The following FOSL2 variants were observed in gnomAD, a reference collection of about 807,000 sequenced individuals.
FOSL2 encodes the protein fos-related antigen 2.
A neutral mutation model predicts 27.7 loss-of-function variants in FOSL2; 3 were observed. The ratio of observed to expected loss-of-function variants is 0.11; its 90% CI spans 0.05 to 0.28. The LOEUF is 0.28. FOSL2 is among the 10% of genes least tolerant of loss of function. FOSL2 has a pLI of 1.00. For missense variants in FOSL2, 333 were observed against 445.1 expected, an observed-to-expected ratio of 0.75 and a Z score of 2.27; for synonymous variants, 179 against 190.1, an observed-to-expected ratio of 0.94 and a Z score of 0.48.
chr2:28,416,142 G>A lies in FOSL2; in HGVS notation c.*3694G>A, dbSNP rs1424759190. On this transcript the variant is annotated 3_prime_UTR_variant, in exon 4 of 4. Transcript: ENST00000264716. ...GGTTGGGCTGTGTGTGTGCGCATGT[G>A]TGTATACATTTCCAGGCGTGCCTGT... 6.6e-6 allele frequency: 1 copy of A among 152,084 alleles called. No homozygotes were observed. The highest frequency in any genetic ancestry group is 1.5e-5 in the Non-Finnish European group (1 of 68,024). 9.4% of individuals were successfully genotyped at this position (152,084 alleles called of 1,614,324 possible).
chr2:28,412,576 C>A lies in FOSL2; in HGVS notation c.*128C>A. On this transcript the variant is annotated 3_prime_UTR_variant, in exon 4 of 4. Coordinates refer to ENST00000264716, the MANE Select transcript of FOSL2 (RefSeq NM_005253.4). This position sits in a 1 kb window ranked among gnomAD's most constrained non-coding sequence, Gnocchi z 7.1. Reference sequence around the variant, plus strand: ...GACCTGCCACCAGGGAGCTTCCTGGCTCTGGGGGACCCAGGTGGGACTTAG... The same window carrying A: ...GACCTGCCACCAGGGAGCTTCCTGGATCTGGGGGACCCAGGTGGGACTTAG... 9.1e-7 allele frequency: 1 copy of A among 1,102,036 alleles called. No individual in the cohort carries two copies. The highest frequency in any genetic ancestry group is 1.3e-6 in the Non-Finnish European group (1 of 782,560). The allele number at this position is 1,102,036 out of a possible 1,614,324, so 68.3% of individuals were successfully genotyped here. A position where few individuals can be genotyped will look rare whatever the true frequency, so the allele number is the denominator to read the frequency against.
At chr2:28,394,923 C>T (rs1478414932) in intron 1 of FOSL2, among the ~76,000 whole-genome samples, 1 of 152,140 alleles carries the variant, frequency 6.6e-6, no homozygotes, top group African/African-American at 2.4e-5. Flanking sequence ...CTAGAAGGGG[C>T]TAGGGTGGGC....
At chr2:28,411,598 G>A (rs1425342775) in intron 3 of FOSL2, among the ~76,000 whole-genome samples, 2 of 152,254 alleles carry the variant, frequency 1.3e-5, no homozygotes, top group East Asian at 3.9e-4. Flanking sequence ...TGCAAAATGG[G>A]GCGATGATAA....
chr2:28,396,509 C>T (rs1457107123), intron 1 of FOSL2, among the ~76,000 whole-genome samples: 1 of 152,012 alleles, frequency 6.6e-6, no homozygotes, highest in African/African-American at 2.4e-5. Flanking sequence ...AAAACATCTC[C>T]CAGATATATG....
rs1158138706 is a variant in FOSL2, at chr2:28,415,990, T to G, written c.*3542T>G. ...GGGGTAACCCAAGTCCTTAGAGAAT[T>G]TGGGGACCAATAGAATATGTGATGT... is the stretch of plus-strand genomic sequence containing the variant. On this transcript the variant is annotated 3_prime_UTR_variant, in exon 4 of 4. Transcript: ENST00000264716. The G allele has an allele frequency of 6.6e-6, 1 of 152,188 alleles. No individual in the cohort carries two copies. Among genetic ancestry groups the G allele is most frequent in the African/African-American group, 2.4e-5 (1 of 41,444 alleles). The allele number at this position is 152,188 out of a possible 1,614,324, so 9.4% of individuals were successfully genotyped here. A position where few individuals can be genotyped will look rare whatever the true frequency, so the allele number is the denominator to read the frequency against.
intron 3 of FOSL2, among the ~76,000 whole-genome samples, chr2:28,411,025 G>A (rs1013253131): frequency 2.6e-5 from 4 of 152,030 alleles, no homozygotes; most frequent in African/African-American, 9.7e-5. Flanking sequence ...GCAGGTGCCT[G>A]TAGTCTCAGC....
Position 28,413,445 on chromosome 2 carries a change from C to G in FOSL2, c.*997C>G, listed in dbSNP as rs1664247780. The G allele has an allele frequency of 5.0e-6, 2 of 398,646 alleles. No individual in the cohort carries two copies. Among genetic ancestry groups the G allele is most frequent in the South Asian group, 2.6e-4 (2 of 7,824 alleles). 24.7% of individuals were successfully genotyped at this position (398,646 alleles called of 1,614,324 possible). On this transcript the variant is annotated 3_prime_UTR_variant, in exon 4 of 4. Coordinates refer to ENST00000264716, the MANE Select transcript of FOSL2 (RefSeq NM_005253.4). ...AGTCCCTGCCGGGCTCCGCCTTTCC[C>G]CCACCCTGGCTCTCAGGGTGACGCC... is the stretch of plus-strand genomic sequence containing the variant.
chr2:28,394,270 C>G (rs1216931552), intron 1 of FOSL2, among the ~76,000 whole-genome samples: 1 of 152,060 alleles, frequency 6.6e-6, no homozygotes, highest in Non-Finnish European at 1.5e-5. Flanking sequence ...CTCTCCTCCC[C>G]GTTCTCCATC....
rs1664131921 is a variant in FOSL2, at chr2:28,408,694, G to A, written c.355-65G>A. 4 of 1,247,748 alleles carry A rather than the reference G, an allele frequency of 3.2e-6. No individual in the cohort carries two copies. In the South Asian group the frequency reaches 6.0e-5, roughly 19 times the overall value. 77.3% of individuals were successfully genotyped at this position (1,247,748 alleles called of 1,614,324 possible). ...GGCTTCTTGCCTTACTTAAAATACAGTTTTTAAAAAATACTGTGAACCATT... is the reference window on the plus strand; with the variant it reads ...GGCTTCTTGCCTTACTTAAAATACAATTTTTAAAAAATACTGTGAACCATT... On this transcript the variant is annotated intron_variant, in intron 2 of 3. Coordinates refer to ENST00000264716, the MANE Select transcript of FOSL2 (RefSeq NM_005253.4). This position sits in a 1 kb window ranked among gnomAD's most constrained non-coding sequence, Gnocchi z 4.1.
intron 1 of FOSL2, among the ~76,000 whole-genome samples, chr2:28,400,030 C>T (rs929192239): frequency 2.0e-5 from 3 of 152,150 alleles, no homozygotes; most frequent in Non-Finnish European, 2.9e-5. Context: ...TTGCCCACCC[C>T]GCAGTTGACA....
In FOSL2 at chr2:28,408,740, C is replaced by G; in HGVS notation, c.355-19C>G. On this transcript the variant is annotated intron_variant, in intron 2 of 3. Coordinates refer to ENST00000264716, the MANE Select transcript of FOSL2 (RefSeq NM_005253.4). The surrounding 1 kb of genome is among the most constrained non-coding windows in gnomAD (Gnocchi z 4.1). Reference sequence around the variant, plus strand: ...CCATTGTCTCTGTTCTAACCATGATCCTTGGCTTTGGCCTCTAGCTGTCTC... The same window carrying G: ...CCATTGTCTCTGTTCTAACCATGATGCTTGGCTTTGGCCTCTAGCTGTCTC... 6.4e-7 allele frequency: 1 copy of G among 1,569,304 alleles called. No individual in the cohort carries two copies. The highest frequency in any genetic ancestry group is 2.3e-5 in the East Asian group (1 of 43,892).
Position 28,404,250 on chromosome 2 carries a change from C to T in FOSL2, c.246C>T (p.Tyr82=), listed in dbSNP as rs1664033096. The T allele has an allele frequency of 1.9e-6, 3 of 1,614,112 alleles. No individual in the cohort carries two copies. Among genetic ancestry groups the T allele is most frequent in the Admixed American group, 3.3e-5 (2 of 60,008 alleles). ...MSNPYPRSHP[Y]SPLPGLASVP... is the part of the protein sequence containing the mutation. Reference sequence around the variant, plus strand: ...ACCCATACCCTCGCTCGCACCCCTACAGCCCCCTGCCGGGCCTGGCCTCTG... The same window carrying T: ...ACCCATACCCTCGCTCGCACCCCTATAGCCCCCTGCCGGGCCTGGCCTCTG... The change falls in exon 2 of 4, where the codon TAC becomes TAT. Residue 82 remains tyrosine (Y), a synonymous_variant. Transcript: ENST00000264716. The surrounding 1 kb of genome is among the most constrained non-coding windows in gnomAD (Gnocchi z 4.7).
rs955576069 is a variant in FOSL2 at position 28,409,783 on chromosome 2, C to T, written c.462+917C>T. ...GAGATGGAGTTTCGCTCTTGTCGCC[C>T]AGGCTGGAGTGCAGTGGGACGATCT... On this transcript the variant is annotated intron_variant, in intron 3 of 3. Transcript: ENST00000264716. Among the ~76,000 whole-genome samples, 3 of 152,198 alleles carry T rather than the reference C, an allele frequency of 2.0e-5. No individual in the cohort carries two copies. The South Asian group carries it at 6.2e-4, about 31-fold the overall frequency.
chr2:28,393,943 G>GT lies in FOSL2; in HGVS notation c.102+122dup. On this transcript the variant is annotated intron_variant, in intron 1 of 3. Transcript: ENST00000264716. This position sits in a 1 kb window ranked among gnomAD's most constrained non-coding sequence, Gnocchi z 4.6. Reference sequence around the variant, plus strand: ...GAGAAAATACCTACGGGCCACCGTTGTAAGTTCTGGATTTTCGTCCTCCCC... The same window carrying GT: ...GAGAAAATACCTACGGGCCACCGTTGTTAAGTTCTGGATTTTCGTCCTCCCC... 6 of 725,858 alleles carry GT rather than the reference G, an allele frequency of 8.3e-6. No individual in the cohort carries two copies. The highest frequency in any genetic ancestry group is 3.0e-5 in the East Asian group (1 of 33,698). The allele number at this position is 725,858 out of a possible 1,614,324, so 45.0% of individuals were successfully genotyped here.
Position 28,415,449 on chromosome 2 carries a change from C to A in FOSL2, c.*3001C>A, listed in dbSNP as rs1300555020. The A allele has an allele frequency of 6.6e-6, 1 of 152,218 alleles. No homozygotes were observed. The highest frequency in any genetic ancestry group is 2.4e-5 in the African/African-American group (1 of 41,448). The allele number at this position is 152,218 out of a possible 1,614,324, so 9.4% of individuals were successfully genotyped here. A position where few individuals can be genotyped will look rare whatever the true frequency, so the allele number is the denominator to read the frequency against. The stretch of plus-strand genomic sequence containing the variant: ...TGTGTTGGGGGCCAGGTGTGTCACA[C>A]AAGCATCTCAAAGTCAAAAGCCATC... On this transcript the variant is annotated 3_prime_UTR_variant, in exon 4 of 4. Transcript: ENST00000264716.
In FOSL2 at chr2:28,404,262, G is replaced by A. The variant is rs76837928; in HGVS notation, c.258G>A (p.Pro86=). ...YPRSHPYSPL[P]GLASVPGHMA... ...GCTCGCACCCCTACAGCCCCCTGCCGGGCCTGGCCTCTGTCCCTGGACACA... is the reference window on the plus strand; with the variant it reads ...GCTCGCACCCCTACAGCCCCCTGCCAGGCCTGGCCTCTGTCCCTGGACACA... The change falls in exon 2 of 4, where the codon CCG becomes CCA. Residue 86 remains proline, a synonymous_variant. Transcript: ENST00000264716. The surrounding 1 kb of genome is among the most constrained non-coding windows in gnomAD (Gnocchi z 4.7). 1.6e-3 allele frequency: 2,516 copies of A among 1,614,152 alleles called. 36 individuals are homozygous for A. In the African/African-American group the frequency reaches 0.027, roughly 17 times the overall value.
rs1664038425 is a variant in FOSL2 at position 28,404,484 on chromosome 2, T to C, written c.354+126T>C. The C allele has an allele frequency of 2.5e-6, 3 of 1,216,570 alleles. No individual in the cohort carries two copies. The highest frequency in any genetic ancestry group is 3.4e-6 in the Non-Finnish European group (3 of 877,580). 75.4% of individuals were successfully genotyped at this position (1,216,570 alleles called of 1,614,324 possible). ...GCAGGGGAGACAAGGGAGCTAGGGG[T>C]CGAAGAGCACGTCATCCCCCTTACT... On this transcript the variant is annotated intron_variant, in intron 2 of 3. Coordinates refer to ENST00000264716, the MANE Select transcript of FOSL2 (RefSeq NM_005253.4). This position sits in a 1 kb window ranked among gnomAD's most constrained non-coding sequence, Gnocchi z 4.7.
At position 28,412,207 on chromosome 2, in the gene FOSL2, A is replaced by G; in HGVS notation, c.740A>G (p.Lys247Arg). Residue 247 changes from lysine (K) to arginine (R), a missense_variant, in exon 4 of 4, where the codon AAG becomes AGG. Lys to Arg is a conservative substitution (Grantham distance 26). Transcript: ENST00000264716. The surrounding 1 kb of genome is among the most constrained non-coding windows in gnomAD (Gnocchi z 7.1). ...GLDKAQRSVI[K>R]PISIAGGFYG... ...GACAAGGCCCAGCGCTCTGTCATCAAGCCCATCAGCATTGCTGGGGGCTTC... is the reference window on the plus strand; with the variant it reads ...GACAAGGCCCAGCGCTCTGTCATCAGGCCCATCAGCATTGCTGGGGGCTTC... The G allele has an allele frequency of 6.2e-7, 1 of 1,613,288 alleles. No homozygotes were observed. The highest frequency in any genetic ancestry group is 8.5e-7 in the Non-Finnish European group (1 of 1,179,756).
intron 1 of FOSL2, chr2:28,395,659 C>CTGTA (rs1258513925): frequency 2.0e-5 from 3 of 152,248 alleles, no homozygotes; most frequent in Non-Finnish European, 4.4e-5. Flanking sequence ...TCCTAGCATG[C>CTGTA]TGTAACACAT....
Sources: allele counts gnomAD v4.1 joint callset (sites outside exome capture counted in the v4.1 genomes callset), GRCh38; gene constraint gnomAD v4.1.1; non-coding constraint Gnocchi (gnomAD v3.1); transcripts MANE v1.5; gene names NCBI Gene and HGNC (gene_info 2026-07-23, HGNC 2026-07-21).